Variants in MAP4K5 observed in about 807,000 individuals in gnomAD.
MAP4K5 encodes the protein MAPK/ERK kinase kinase kinase 5.
In MAP4K5, 82 loss-of-function variants were observed where a neutral mutation model predicts 135.6. That is an observed-to-expected ratio of 0.60 (90% confidence interval 0.51 to 0.73). The LOEUF is 0.73. Among genes scored for constraint, MAP4K5 ranks in the 30% least tolerant of loss-of-function variants. MAP4K5 has a pLI of 0.00. For missense variants in MAP4K5, 907 were observed against 1,010.9 expected, an observed-to-expected ratio of 0.90 and a Z score of 1.39; for synonymous variants, 347 against 335.0, an observed-to-expected ratio of 1.04 and a Z score of -0.39.
intron 2 of MAP4K5, among the ~76,000 whole-genome samples, chr14:50,519,306 TTA>T (rs1213702292): frequency 6.6e-6 from 1 of 152,158 alleles, no homozygotes; most frequent in Non-Finnish European, 1.5e-5. Flanking sequence ...TTGGGAATGT[TTA>T]TCTCTTGGTA....
At chr14:50,517,700 C>T (rs1488516485) in intron 2 of MAP4K5, among the ~76,000 whole-genome samples, 3 of 151,926 alleles carry the variant, frequency 2.0e-5, no homozygotes, top group East Asian at 2.0e-4. Context: ...ACCCGGGAGG[C>T]GGAGGTTGCA....
intron 2 of MAP4K5, among the ~76,000 whole-genome samples, chr14:50,540,134 C>T (rs1487788567): frequency 2.0e-5 from 3 of 152,182 alleles, no homozygotes; most frequent in Non-Finnish European, 4.4e-5. Flanking sequence ...TGGTAGAGGT[C>T]AGGTGGCTCA....
chr14:50,529,986 G>A (rs1380728533), intron 2 of MAP4K5, among the ~76,000 whole-genome samples: 1 of 152,216 alleles, frequency 6.6e-6, no homozygotes, highest in African/African-American at 2.4e-5. Context: ...TGGAAATGGA[G>A]GGGTGGAAGG....
At chr14:50,437,656 C>T in intron 25 of MAP4K5, 122 bp from the exon 26 acceptor site, 1 of 685,718 alleles carries the variant, frequency 1.5e-6, no homozygotes, top group Non-Finnish European at 2.5e-6. Context: ...ATCCTAACTC[C>T]ACACTATCTC....
At position 50,433,839 on chromosome 14, in the gene MAP4K5, T is replaced by C. The variant is rs542275591; in HGVS notation, c.2164+555A>G. Among the ~76,000 whole-genome samples the C allele has an allele frequency of 3.3e-5, 5 of 152,332 alleles. No homozygotes were observed. The South Asian group carries it at 1.0e-3, about 32-fold the overall frequency. On this transcript the variant is annotated intron_variant, in intron 28 of 32. Coordinates refer to ENST00000682126, the MANE Select transcript of MAP4K5 (RefSeq NM_006575.6). ...GAGGCCCCACCTCACCCACTTCACA[T>C]ATTATGCAGATTTAAAAAATGATTT...
chr14:50,558,364 C>T (rs188881402), intron 1 of MAP4K5, among the ~76,000 whole-genome samples: 1 of 152,142 alleles, frequency 6.6e-6, no homozygotes, highest in South Asian at 2.1e-4. Context: ...GTCTGGAAAA[C>T]AAACAAACAA....
In MAP4K5 at chr14:50,523,725, C is replaced by T. The variant is rs554791126; in HGVS notation, c.108+8217G>A. ...TATTATGTTTGTTGTCTCTCTCCCC[C>T]CACTAAAATTTGAGTTCCATGAGGG... On this transcript the variant is annotated intron_variant, in intron 2 of 32. Coordinates refer to ENST00000682126, the MANE Select transcript of MAP4K5 (RefSeq NM_006575.6). 3.9e-5 allele frequency among the ~76,000 whole-genome samples: 6 copies of T among 152,278 alleles called. No individual in the cohort carries two copies. The South Asian group carries it at 1.2e-3, about 32-fold the overall frequency.
intron 11 of MAP4K5, among the ~76,000 whole-genome samples, chr14:50,464,844 C>A (rs920095534): frequency 1.3e-5 from 2 of 152,104 alleles, no homozygotes; most frequent in Non-Finnish European, 2.9e-5. Context: ...TGGTGGCTTG[C>A]GATAAAGATA....
intron 31 of MAP4K5, among the ~76,000 whole-genome samples, chr14:50,424,691 C>A (rs1255379708): frequency 1.7e-5 from 2 of 117,436 alleles, no homozygotes; most frequent in East Asian, 2.5e-4. Flanking sequence ...GCCTGGGCGA[C>A]AGTGTGAGAC....
intron 2 of MAP4K5, among the ~76,000 whole-genome samples, chr14:50,541,618 A>G (rs1447656925): frequency 1.3e-5 from 2 of 152,182 alleles, no homozygotes; most frequent in Non-Finnish European, 1.5e-5. Flanking sequence ...CTGCCCTGAC[A>G]CTTAGGCTTT....
intron 1 of MAP4K5, among the ~76,000 whole-genome samples, chr14:50,558,364 C>G (rs188881402): frequency 1.3e-5 from 2 of 152,260 alleles, no homozygotes; most frequent in East Asian, 3.9e-4. Context: ...GTCTGGAAAA[C>G]AAACAAACAA....
chr14:50,448,578 G>A (rs1223972934), intron 15 of MAP4K5, among the ~76,000 whole-genome samples, 196 bp downstream of exon 15: 1 of 151,790 alleles, frequency 6.6e-6, no homozygotes, highest in Non-Finnish European at 1.5e-5. Flanking sequence ...ATGAATGATT[G>A]AAATAGTGTA....
chr14:50,493,730 G>A (rs758684111), intron 3 of MAP4K5, among the ~76,000 whole-genome samples: 11 of 152,122 alleles, frequency 7.2e-5, no homozygotes, highest in Non-Finnish European at 1.3e-4. Context: ...TAGGCCGGGT[G>A]CAGTGGGTCA....
rs541689572 is a variant in MAP4K5 at position 50,440,437 on chromosome 14, C to G, written c.1569G>C (p.Gln523His). 227 of 1,546,372 alleles carry G rather than the reference C, an allele frequency of 1.5e-4. 1 individual carries two copies. In the South Asian group the frequency reaches 2.5e-3, roughly 17 times the overall value. ...TSWIHPDTKD[Q>H]YIIFGTEDGI... Reference sequence around the variant, plus strand: ...CATCTTCAGTTCCAAAAATAATGTACTGATCTAAAATAGTTGAGATAAATC... The same window carrying G: ...CATCTTCAGTTCCAAAAATAATGTAGTGATCTAAAATAGTTGAGATAAATC... Residue 523 changes from glutamine (Q) to histidine (H), a missense_variant, in exon 22 of 33, where the codon CAG (glutamine) becomes CAC (histidine). Gln to His is a conservative substitution (Grantham distance 24). Transcript: ENST00000682126.
At chr14:50,477,978 C>T (rs531486391) in intron 6 of MAP4K5, among the ~76,000 whole-genome samples, 28 of 152,096 alleles carry the variant, frequency 1.8e-4, no homozygotes, top group East Asian at 9.6e-4. Context: ...CAAAATGATT[C>T]GGGAGTTATT....
At chr14:50,538,311 A>G (rs751468538) in intron 2 of MAP4K5, among the ~76,000 whole-genome samples, 1 of 152,174 alleles carries the variant, frequency 6.6e-6, no homozygotes, top group Non-Finnish European at 1.5e-5. Context: ...TGTAAATCCA[A>G]TTAAACCTCT....
upstream of MAP4K5, among the ~76,000 whole-genome samples, chr14:50,535,230 C>G (rs1011990752): frequency 6.6e-6 from 1 of 152,104 alleles, no homozygotes; most frequent in Non-Finnish European, 1.5e-5. Context: ...AATCTGTGGC[C>G]TCTAATTTCA....
At chr14:50,452,572 G>A (rs1256387143) in intron 14 of MAP4K5, among the ~76,000 whole-genome samples, 2 of 152,132 alleles carry the variant, frequency 1.3e-5, no homozygotes, top group African/African-American at 4.8e-5. Flanking sequence ...GGTCCAGGAA[G>A]CATTTCCTCT....
chr14:50,429,089 AT>A, intron 29 of MAP4K5, 102 bp downstream of exon 29: 1 of 740,682 alleles, frequency 1.4e-6, no homozygotes, highest in African/African-American at 1.8e-5. Context: ...GATAAGTAAC[AT>A]TTTTAGTAAA....
Sources: allele counts gnomAD v4.1 joint callset (sites outside exome capture counted in the v4.1 genomes callset), GRCh38; gene constraint gnomAD v4.1.1; transcripts MANE v1.5; gene names NCBI Gene and HGNC (gene_info 2026-07-23, HGNC 2026-07-21).